SLC6A15: variants seen among roughly 807,000 people sequenced by gnomAD.
The protein encoded by SLC6A15 is solute carrier family 6 member 15.
A neutral mutation model predicts 68.5 loss-of-function variants in SLC6A15; 33 were observed. The observed-to-expected ratio is 0.48, with a 90% confidence interval of 0.37 to 0.64. SLC6A15 has a LOEUF of 0.64. Among genes scored for constraint, SLC6A15 ranks in the 30% least tolerant of loss-of-function variants. SLC6A15 has a pLI of 0.00. For missense variants in SLC6A15, 747 were observed against 874.3 expected, an observed-to-expected ratio of 0.85 and a Z score of 1.84; for synonymous variants, 347 against 301.0, an observed-to-expected ratio of 1.15 and a Z score of -1.58.
In SLC6A15 at chr12:84,872,740, A is replaced by T; in HGVS notation, c.1164T>A (p.Ile388=). 3 of 1,612,340 alleles carry T rather than the reference A, an allele frequency of 1.9e-6. No homozygotes were observed. The highest frequency in any genetic ancestry group is 2.5e-6 in the Non-Finnish European group (3 of 1,179,548). The part of the protein sequence containing the change: ...FLKMGNISQD[I]IPHHINLSTV... ...TTGAAAGGTTGATATGATGGGGAAT[A>T]ATATCCTGACTAATGTTCCCCATTT... The change falls in exon 8 of 12, where the codon ATT becomes ATA. Residue 388 remains isoleucine (I), a synonymous_variant. Transcript: ENST00000266682.
chr12:84,909,527 T>A (rs958758869), intron 1 of SLC6A15, among the ~76,000 whole-genome samples: 1 of 152,162 alleles, frequency 6.6e-6, no homozygotes, highest in Non-Finnish European at 1.5e-5. Flanking sequence ...ATAAGCAAAG[T>A]AGAAATAAAT....
In SLC6A15 at chr12:84,897,110, T is replaced by C. The variant is rs575153764; in HGVS notation, c.-188-4802A>G. 6.0e-4 allele frequency among the ~76,000 whole-genome samples: 92 copies of C among 152,214 alleles called. 2 individuals carry two copies. The highest frequency in any genetic ancestry group is 2.0e-3 in the African/African-American group (85 of 41,546). On this transcript the variant is annotated intron_variant, in intron 1 of 11. Coordinates refer to ENST00000266682, the MANE Select transcript of SLC6A15 (RefSeq NM_182767.6). ...CAGGAGGCTGGGGCAGGAGAATCAT[T>C]TGAACTGGGGAGGCAGAGTTTGCAG...
intron 9 of SLC6A15, among the ~76,000 whole-genome samples, chr12:84,869,193 C>T (rs1018213914): frequency 2.6e-5 from 4 of 152,094 alleles, no homozygotes; most frequent in Non-Finnish European, 5.9e-5. Flanking sequence ...GGCACGGTGG[C>T]TCACGCCTGT....
chr12:84,873,536 G>T (rs1034729966), intron 6 of SLC6A15, among the ~76,000 whole-genome samples: 1 of 152,050 alleles, frequency 6.6e-6, no homozygotes, highest in Non-Finnish European at 1.5e-5. Flanking sequence ...TCCTTTACAT[G>T]GAGATTTTAA....
rs534377256 is a variant in SLC6A15 at position 84,889,497 on chromosome 12, AAAAAAT to A, written c.289+2329_289+2334del. On this transcript the variant is annotated intron_variant, in intron 2 of 11. Coordinates refer to ENST00000266682, the MANE Select transcript of SLC6A15 (RefSeq NM_182767.6). ...CAAAAGAGCAAGACTCGGTCTCAGA[AAAAAAT>A]AAAAATAAAAATAAAAATAAAAATA... Among the ~76,000 whole-genome samples, 882 of 146,952 alleles carry A rather than the reference AAAAAAT, an allele frequency of 6.0e-3. 16 individuals carry two copies. Among genetic ancestry groups the A allele is most frequent in the East Asian group, 0.017 (84 of 5,064 alleles).
Position 84,870,607 on chromosome 12 carries a change from A to T in SLC6A15, c.1366T>A (p.Ser456Thr), listed in dbSNP as rs764625670. The change falls in exon 9 of 12, where the codon TCT (serine) becomes ACT (threonine). Residue 456 changes from serine (S) to threonine (T), a missense_variant. Ser to Thr is a moderately conservative substitution (Grantham distance 58). Coordinates refer to ENST00000266682, the MANE Select transcript of SLC6A15 (RefSeq NM_182767.6). The part of the protein sequence containing the change: ...FTEAMTHFPA[S>T]PFWSVMFFLM... The stretch of plus-strand genomic sequence containing the variant: ...AAAAACATCACTGACCAGAAGGGAG[A>T]TGCAGGAAAATGTGTCATCGCTTCT... 1 of 1,612,386 alleles carries T rather than the reference A, an allele frequency of 6.2e-7. No homozygotes were observed. The highest frequency in any genetic ancestry group is 8.5e-7 in the Non-Finnish European group (1 of 1,179,202).
rs201459067 is a variant in SLC6A15 at position 84,863,400 on chromosome 12, A to G, written c.1818+39T>C. The G allele has an allele frequency of 4.8e-5, 71 of 1,492,254 alleles. No homozygotes were observed. In the African/African-American group the frequency reaches 9.6e-4, roughly 20 times the overall value. The allele number at this position is 1,492,254 out of a possible 1,614,324, so 92.4% of individuals were successfully genotyped here. A position where few individuals can be genotyped will look rare whatever the true frequency, so the allele number is the denominator to read the frequency against. On this transcript the variant is annotated intron_variant, in intron 11 of 11. Coordinates refer to ENST00000266682, the MANE Select transcript of SLC6A15 (RefSeq NM_182767.6). ...AAAGCCCTCTAAAAAAGCTTTTTAT[A>G]TATCTTTTAAAAATGTAATTCCCTT...
intron 1 of SLC6A15, among the ~76,000 whole-genome samples, chr12:84,907,959 T>TA (rs1873246707): frequency 6.6e-6 from 1 of 152,210 alleles, no homozygotes; most frequent in Non-Finnish European, 1.5e-5. Context: ...TGATTACATT[T>TA]ATATAATATT....
chr12:84,859,984 T>G lies in SLC6A15; in HGVS notation c.*1648A>C, dbSNP rs1452616445. 6.6e-6 allele frequency: 1 copy of G among 152,062 alleles called. No homozygotes were observed. The highest frequency in any genetic ancestry group is 6.6e-5 in the Admixed American group (1 of 15,250). 9.4% of individuals were successfully genotyped at this position (152,062 alleles called of 1,614,324 possible). On this transcript the variant is annotated 3_prime_UTR_variant, in exon 12 of 12. Transcript: ENST00000266682. ...TTACTTCACACTGAATTGTCATAAT[T>G]TTTTAGTTTTGTATAATGTGCATAT...
intron 5 of SLC6A15, among the ~76,000 whole-genome samples, chr12:84,879,215 C>T (rs967101339): frequency 4.6e-5 from 7 of 151,942 alleles, no homozygotes; most frequent in African/African-American, 7.2e-5. Flanking sequence ...TCTCTGTGAA[C>T]TTGCTGGTGA....
Position 84,892,301 on chromosome 12 carries a change from G to T in SLC6A15, c.-181C>A. 2.0e-6 allele frequency: 1 copy of T among 496,206 alleles called. No individual in the cohort carries two copies. Among genetic ancestry groups the T allele is most frequent in the Non-Finnish European group, 3.5e-6 (1 of 288,072 alleles). 30.7% of individuals were successfully genotyped at this position (496,206 alleles called of 1,614,324 possible). On this transcript the variant is annotated 5_prime_UTR_variant, in exon 2 of 12. Transcript: ENST00000266682. ...TCTGAATCCGTATGTCCAGTATTCT[G>T]TAGGTACCTGTAAAATTATAAGTTG...
chr12:84,900,042 T>C (rs1306043186), intron 1 of SLC6A15, among the ~76,000 whole-genome samples: 1 of 152,094 alleles, frequency 6.6e-6, no homozygotes, highest in Non-Finnish European at 1.5e-5. Flanking sequence ...GGATTTAAAA[T>C]TGAATTACAT....
chr12:84,902,165 A>G (rs1447360819), intron 1 of SLC6A15, among the ~76,000 whole-genome samples: 1 of 151,988 alleles, frequency 6.6e-6, no homozygotes, highest in African/African-American at 2.4e-5. Context: ...CCTGGTTTAC[A>G]TAAAATTTTT....
intron 1 of SLC6A15, among the ~76,000 whole-genome samples, chr12:84,907,907 G>A (rs1454291886): frequency 6.6e-6 from 1 of 152,152 alleles, no homozygotes; most frequent in African/African-American, 2.4e-5. Context: ...AGAAAATTAT[G>A]CTGAGTGAAA....
At chr12:84,900,465 A>C (rs2120714117) in intron 1 of SLC6A15, among the ~76,000 whole-genome samples, 1 of 151,492 alleles carries the variant, frequency 6.6e-6, no homozygotes, top group East Asian at 2.0e-4. Flanking sequence ...GACTTATTTT[A>C]CTGGCTAAGA....
intron 1 of SLC6A15, among the ~76,000 whole-genome samples, chr12:84,899,378 C>A (rs1045494591): frequency 3.3e-5 from 5 of 152,158 alleles, no homozygotes; most frequent in Non-Finnish European, 5.9e-5. Context: ...TAGTTTCCAC[C>A]TCCCTGGAGT....
intron 1 of SLC6A15, among the ~76,000 whole-genome samples, chr12:84,903,394 A>C (rs1051558650): frequency 1.3e-5 from 2 of 152,188 alleles, no homozygotes; most frequent in Non-Finnish European, 2.9e-5. Flanking sequence ...ATAACAAAAA[A>C]TAAAATAAAA....
rs1481806453 is a variant in SLC6A15 at position 84,860,533 on chromosome 12, G to T, written c.*1099C>A. On this transcript the variant is annotated 3_prime_UTR_variant, in exon 12 of 12. Coordinates refer to ENST00000266682, the MANE Select transcript of SLC6A15 (RefSeq NM_182767.6). ...GCGGTGGTAACTCTATTCAATTAAT[G>T]TAATTCATCCCACTTGGAATGTGAT... is the stretch of plus-strand genomic sequence containing the variant. 2 of 151,990 alleles carry T rather than the reference G, an allele frequency of 1.3e-5. No individual in the cohort carries two copies. The highest frequency in any genetic ancestry group is 4.8e-5 in the African/African-American group (2 of 41,394). 9.4% of individuals were successfully genotyped at this position (151,990 alleles called of 1,614,324 possible).
chr12:84,868,198 T>G (rs1271363627), intron 9 of SLC6A15, among the ~76,000 whole-genome samples: 1 of 152,176 alleles, frequency 6.6e-6, no homozygotes, highest in Non-Finnish European at 1.5e-5. Context: ...GAGTTACATC[T>G]TACAGAAATG....
Sources: gnomAD v4.1 joint callset for allele counts (sites outside exome capture counted in the v4.1 genomes callset) on GRCh38, gnomAD v4.1.1 for gene constraint, MANE v1.5 for transcripts, NCBI Gene and HGNC (gene_info 2026-07-23, HGNC 2026-07-21) for gene names.